The following ZNF578 variants were observed in gnomAD, a reference collection of about 807,000 sequenced individuals.
ZNF578 encodes Putative chemokine-related protein B42.
ZNF578 carries 8 observed loss-of-function variants against 8.3 expected under a neutral mutation model. That is an observed-to-expected ratio of 0.96 (90% CI 0.56 to 1.74). The LOEUF (loss-of-function observed/expected upper bound fraction) is 1.74. Among genes scored for constraint, ZNF578 ranks in the 40% most tolerant of loss-of-function variants. The pLI is 0.00. For synonymous variants in ZNF578, 206 were observed against 232.2 expected, an observed-to-expected ratio of 0.89 and a Z score of 1.03; for missense variants, 726 against 707.5, an observed-to-expected ratio of 1.03 and a Z score of -0.30.
At chr19:52,471,180 A>G (rs563767197) in intron 2 of ZNF578, among the ~76,000 whole-genome samples, 37 of 151,810 alleles carry the variant, frequency 2.4e-4, no homozygotes, top group African/African-American at 8.9e-4. Context: ...AGCCAATTAA[A>G]CCTCTTTTCT....
At chr19:52,458,268 CTGCAGA>C (rs2059245401) in intron 2 of ZNF578, 2 of 152,110 alleles carry the variant, frequency 1.3e-5, no homozygotes, top group Non-Finnish European at 2.9e-5. Flanking sequence ...TGTGGTATTC[CTGCAGA>C]GACTCTTGTG....
At chr19:52,494,174 A>C (rs2059377521) in intron 3 of ZNF578, among the ~76,000 whole-genome samples, 2 of 151,868 alleles carry the variant, frequency 1.3e-5, no homozygotes, top group South Asian at 4.2e-4. Flanking sequence ...GTAAAGAATT[A>C]GGGAGGGAAG....
chr19:52,481,670 G>A (rs946231528), intron 2 of ZNF578, among the ~76,000 whole-genome samples: 2 of 152,056 alleles, frequency 1.3e-5, no homozygotes, highest in African/African-American at 2.4e-5. Context: ...TCCCAGAGTC[G>A]GGTAGGAAAT....
rs1455897760 is a variant in ZNF578, at chr19:52,516,470, A to T, written c.*4316A>T. On this transcript the variant is annotated 3_prime_UTR_variant, in exon 6 of 6. Coordinates refer to ENST00000421239, the MANE Select transcript of ZNF578 (RefSeq NM_001099694.2). ...GCCGCAGGGGGGACTGTATTTGCTCAGGGTGAGGTCTCCTTTGTGTCAGGC... is the reference window on the plus strand; with the variant it reads ...GCCGCAGGGGGGACTGTATTTGCTCTGGGTGAGGTCTCCTTTGTGTCAGGC... Among the ~76,000 whole-genome samples the T allele has an allele frequency of 6.6e-6, 1 of 152,208 alleles. No individual in the cohort carries two copies. The highest frequency in any genetic ancestry group is 2.4e-5 in the African/African-American group (1 of 41,456).
chr19:52,494,718 G>A (rs567670086), intron 3 of ZNF578, among the ~76,000 whole-genome samples: 7 of 152,222 alleles, frequency 4.6e-5, no homozygotes, highest in African/African-American at 7.2e-5. Context: ...TTCAGCCCGC[G>A]GGCAGTGACA....
chr19:52,494,893 G>A (rs1334128355), intron 3 of ZNF578, among the ~76,000 whole-genome samples: 3 of 152,134 alleles, frequency 2.0e-5, no homozygotes, highest in African/African-American at 4.8e-5. Flanking sequence ...GTACAATGGT[G>A]TTATCTACTC....
At chr19:52,493,920 G>A (rs2059376175) in intron 3 of ZNF578, among the ~76,000 whole-genome samples, 1 of 149,808 alleles carries the variant, frequency 6.7e-6, no homozygotes, top group Non-Finnish European at 1.5e-5. Context: ...AACCTGGGAG[G>A]CGGAGGTTGT....
Position 52,514,905 on chromosome 19 carries a change from C to T in ZNF578, c.*2751C>T, listed in dbSNP as rs1355057725. On this transcript the variant is annotated 3_prime_UTR_variant, in exon 6 of 6. Coordinates refer to ENST00000421239, the MANE Select transcript of ZNF578 (RefSeq NM_001099694.2). ...CTCAAACTCCTGACCTCGCGATCCA[C>T]CCGACTCAGCCTCCCACTGTGATGG... Among the ~76,000 whole-genome samples the T allele has an allele frequency of 6.6e-6, 1 of 151,612 alleles. No homozygotes were observed. The highest frequency in any genetic ancestry group is 1.9e-4 in the East Asian group (1 of 5,166).
intron 2 of ZNF578, among the ~76,000 whole-genome samples, chr19:52,458,993 GCA>G (rs1218232385): frequency 2.6e-5 from 4 of 152,052 alleles, no homozygotes; most frequent in Non-Finnish European, 5.9e-5. Context: ...CTTTCACAGG[GCA>G]CAGTCATTAA....
chr19:52,485,534 G>C (rs2059342530), intron 2 of ZNF578, among the ~76,000 whole-genome samples: 1 of 152,206 alleles, frequency 6.6e-6, no homozygotes. Context: ...TTGAGGGGCT[G>C]TCCTGTAGGG....
intron 2 of ZNF578, among the ~76,000 whole-genome samples, chr19:52,471,130 A>T (rs766512374): frequency 3.9e-5 from 6 of 152,150 alleles, no homozygotes; most frequent in Admixed American, 3.9e-4. Context: ...AGTCAGAGAG[A>T]TGCTGGCATT....
rs2123013214 is a variant in ZNF578, at chr19:52,515,275, C to CTT, written c.*3122_*3123dup. Among the ~76,000 whole-genome samples, 1 of 152,178 alleles carries CTT rather than the reference C, an allele frequency of 6.6e-6. No homozygotes were observed. The highest frequency in any genetic ancestry group is 1.5e-5 in the Non-Finnish European group (1 of 68,008). ...CATTGTGCCTGACCACTCATGTATT[C>CTT]TTGATTGAAATAATTTGCTTATTTC... On this transcript the variant is annotated 3_prime_UTR_variant, in exon 6 of 6. Coordinates refer to ENST00000421239, the MANE Select transcript of ZNF578 (RefSeq NM_001099694.2).
intron 2 of ZNF578, among the ~76,000 whole-genome samples, chr19:52,468,775 C>T (rs2059283091): frequency 6.6e-6 from 1 of 152,140 alleles, no homozygotes; most frequent in African/African-American, 2.4e-5. Context: ...GATAACCTTG[C>T]TTGCTGAGTC....
chr19:52,465,472 C>T (rs530892964), intron 2 of ZNF578, among the ~76,000 whole-genome samples: 2 of 152,196 alleles, frequency 1.3e-5, no homozygotes, highest in Non-Finnish European at 2.9e-5. Context: ...TCTCTCTCCT[C>T]CTCTGACTCA....
chr19:52,495,339 G>T (rs529933164), intron 3 of ZNF578, among the ~76,000 whole-genome samples: 1 of 145,632 alleles, frequency 6.9e-6, no homozygotes, highest in East Asian at 1.9e-4. Flanking sequence ...GCTAATTTTG[G>T]ATTAGGAGGC....
chr19:52,466,405 C>G (rs1481828808), intron 2 of ZNF578, among the ~76,000 whole-genome samples: 1 of 152,168 alleles, frequency 6.6e-6, no homozygotes, highest in Non-Finnish European at 1.5e-5. Flanking sequence ...GGAGGCTTTC[C>G]TCCTCAGAGG....
chr19:52,469,193 C>T (rs183952741), intron 2 of ZNF578, among the ~76,000 whole-genome samples: 12 of 116,596 alleles, frequency 1.0e-4, no homozygotes, highest in Non-Finnish European at 1.7e-4. Context: ...CAGGGTCTCA[C>T]TCTTTTGCCC....
At chr19:52,474,106 T>C (rs2059300664) in intron 2 of ZNF578, 2 of 355,522 alleles carry the variant, frequency 5.6e-6, no homozygotes, top group Non-Finnish European at 1.2e-5. Flanking sequence ...GATGATTGCT[T>C]AGGGATAAAC....
chr19:52,488,193 C>T (rs992749869), intron 2 of ZNF578, among the ~76,000 whole-genome samples: 1 of 152,040 alleles, frequency 6.6e-6, no homozygotes, highest in Admixed American at 6.5e-5. Flanking sequence ...CTCAAGTGAT[C>T]CGCTGCCTGG....
Sources: gnomAD v4.1 joint callset for allele counts (sites outside exome capture counted in the v4.1 genomes callset) on GRCh38, gnomAD v4.1.1 for gene constraint, MANE v1.5 for transcripts, NCBI Gene and HGNC (gene_info 2026-07-23, HGNC 2026-07-21) for gene names.